Variants in FOXP2 observed in about 807,000 individuals in gnomAD.
FOXP2 encodes the protein forkhead box P2.
In FOXP2, 12 loss-of-function variants were observed where a neutral mutation model predicts 115.8. The observed-to-expected ratio is 0.10, with a 90% CI of 0.07 to 0.17. The LOEUF is 0.17. Ranked by LOEUF, FOXP2 falls within the 10% of genes least tolerant of loss-of-function variation. FOXP2 has a pLI of 1.00. For missense variants in FOXP2, 629 were observed against 843.5 expected, an observed-to-expected ratio of 0.75 and a Z score of 3.15; for synonymous variants, 328 against 297.7, an observed-to-expected ratio of 1.10 and a Z score of -1.05.
chr7:114,162,561 A>T, upstream of FOXP2, among the ~76,000 whole-genome samples: 1 of 152,178 alleles, frequency 6.6e-6, no homozygotes, highest in Middle Eastern at 3.4e-3. Context: ...GCCCTAAGAC[A>T]TTAAAAAAAA....
At chr7:114,393,964 ATGTGTG>A (rs930555829) in intron 2 of FOXP2, among the ~76,000 whole-genome samples, 25 of 137,582 alleles carry the variant, frequency 1.8e-4, no homozygotes, top group African/African-American at 6.7e-4. Context: ...GTCAGTGTGC[ATGTGTG>A]TGTGTGTGAG....
intron 2 of FOXP2, among the ~76,000 whole-genome samples, chr7:114,400,845 T>C (rs1792871689): frequency 6.6e-6 from 1 of 151,948 alleles, no homozygotes; most frequent in Non-Finnish European, 1.5e-5. Context: ...GACCCCTGGG[T>C]ACAGGGACCA....
chr7:114,205,169 G>GT (rs1794167818), intron 1 of FOXP2, among the ~76,000 whole-genome samples: 1 of 152,076 alleles, frequency 6.6e-6, no homozygotes, highest in South Asian at 2.1e-4. Context: ...GAATTACTCT[G>GT]TTTTTTGAAA....
intron 3 of FOXP2, among the ~76,000 whole-genome samples, chr7:114,539,265 A>G (rs1232440625): frequency 6.6e-6 from 1 of 151,936 alleles, no homozygotes. Context: ...CTCATTACAA[A>G]ATGTATTTTA....
At chr7:114,543,575 A>G (rs1205405901) in intron 3 of FOXP2, among the ~76,000 whole-genome samples, 2 of 152,210 alleles carry the variant, frequency 1.3e-5, no homozygotes, top group Non-Finnish European at 2.9e-5. Context: ...GTTCTCCTAC[A>G]TTAGTGAGGT....
At chr7:114,389,283 A>G (rs1216903190) in intron 2 of FOXP2, among the ~76,000 whole-genome samples, 1 of 152,226 alleles carries the variant, frequency 6.6e-6, no homozygotes, top group African/African-American at 2.4e-5. Flanking sequence ...ATGACCCCTA[A>G]GAAGCAACCT....
At chr7:114,287,069 T>C (rs1796483350) in intron 1 of FOXP2, among the ~76,000 whole-genome samples, 1 of 151,978 alleles carries the variant, frequency 6.6e-6, no homozygotes, top group Non-Finnish European at 1.5e-5. Flanking sequence ...TCAGATTTAC[T>C]CTCCATACAG....
chr7:114,689,129 T>A (rs528947745), intron 16 of FOXP2, among the ~76,000 whole-genome samples: 2 of 152,304 alleles, frequency 1.3e-5, no homozygotes, highest in East Asian at 3.9e-4. Flanking sequence ...GTTTCTATAA[T>A]TATATTGCTG....
At chr7:114,661,910 T>G (rs1806884870) in intron 13 of FOXP2, 155 bp from the exon 14 acceptor site, 2 of 890,598 alleles carry the variant, frequency 2.2e-6, no homozygotes. Flanking sequence ...TTTGTAAGTT[T>G]GAGGTTTGTA....
chr7:114,543,002 G>A (rs1220893898), intron 3 of FOXP2, among the ~76,000 whole-genome samples: 7 of 151,736 alleles, frequency 4.6e-5, no homozygotes, highest in African/African-American at 4.8e-5. Context: ...TGTTGGCCTC[G>A]AACTCCTGAC....
intron 3 of FOXP2, among the ~76,000 whole-genome samples, chr7:114,569,101 A>G (rs890568735): frequency 6.6e-6 from 1 of 151,940 alleles, no homozygotes; most frequent in African/African-American, 2.4e-5. Context: ...ATGAGCGTCT[A>G]TCTGTGGGCT....
chr7:114,139,478 T>C (rs1000446145), intron 1 of FOXP2, among the ~76,000 whole-genome samples: 16 of 152,304 alleles, frequency 1.1e-4, no homozygotes, highest in African/African-American at 3.6e-4. Flanking sequence ...GATTGTAATA[T>C]GTAAATGATT....
chr7:114,326,058 G>A (rs1239677059), intron 2 of FOXP2, among the ~76,000 whole-genome samples: 1 of 152,072 alleles, frequency 6.6e-6, no homozygotes, highest in Non-Finnish European at 1.5e-5. Context: ...AATCGTAAGA[G>A]GTGCTAACAC....
chr7:114,299,541 A>G (rs1796827653), intron 2 of FOXP2, among the ~76,000 whole-genome samples: 1 of 151,782 alleles, frequency 6.6e-6, no homozygotes, highest in East Asian at 1.9e-4. Flanking sequence ...AACTTCTCTA[A>G]GGTTATATAA....
At chr7:114,321,562 C>T (rs1462465277) in intron 2 of FOXP2, among the ~76,000 whole-genome samples, 1 of 152,140 alleles carries the variant, frequency 6.6e-6, no homozygotes, top group African/African-American at 2.4e-5. Context: ...ACCAGGAAAT[C>T]TGCTACAAAC....
chr7:114,325,131 A>G (rs1011628693), intron 2 of FOXP2, among the ~76,000 whole-genome samples: 3 of 151,870 alleles, frequency 2.0e-5, no homozygotes, highest in African/African-American at 7.2e-5. Flanking sequence ...AAAATGTATT[A>G]TTGGTGCAAA....
chr7:114,099,215 C>A (rs1172437276), intron 1 of FOXP2, among the ~76,000 whole-genome samples: 2 of 152,060 alleles, frequency 1.3e-5, no homozygotes, highest in Non-Finnish European at 2.9e-5. Flanking sequence ...AATAACAAGA[C>A]CCGAATAGAC....
intron 3 of FOXP2, among the ~76,000 whole-genome samples, chr7:114,572,491 A>G (rs1188016173): frequency 6.6e-6 from 1 of 151,836 alleles, no homozygotes; most frequent in African/African-American, 2.4e-5. Context: ...ATTTCTAAGT[A>G]TTCTCTGTAT....
chr7:114,622,643 A>G (rs1285543019), intron 3 of FOXP2, among the ~76,000 whole-genome samples: 4 of 151,966 alleles, frequency 2.6e-5, no homozygotes, highest in Non-Finnish European at 5.9e-5. Context: ...GCATGAAAGG[A>G]TCTTCCTTCT....
Sources: allele counts gnomAD v4.1 joint callset (sites outside exome capture counted in the v4.1 genomes callset), GRCh38; gene constraint gnomAD v4.1.1; transcripts MANE v1.5; gene names NCBI Gene and HGNC (gene_info 2026-07-23, HGNC 2026-07-21).